The following ABCC6 variants were observed in gnomAD, a reference collection of about 807,000 sequenced individuals.
The protein encoded by ABCC6 is ATP-binding cassette sub-family C member 6.
Under a neutral mutation model 169.5 loss-of-function variants are expected in ABCC6, and 126 were observed. The observed-to-expected ratio is 0.74, with a 90% CI of 0.64 to 0.86. ABCC6 has a LOEUF of 0.86. Among genes scored for constraint, ABCC6 ranks in the 40% least tolerant of loss-of-function variants. The pLI, the probability that ABCC6 is intolerant of heterozygous loss-of-function variation, is 0.00. For missense variants in ABCC6, 1,733 were observed against 1,927.2 expected (o/e 0.90, Z 1.89); for synonymous variants, 752 against 814.7 (o/e 0.92, Z 1.31).
chr16:16,205,357 C>A (rs2048360950), intron 7 of ABCC6, among the ~76,000 whole-genome samples: 1 of 152,168 alleles, frequency 6.6e-6, no homozygotes, highest in South Asian at 2.1e-4. Flanking sequence ...GAGCCTAGAT[C>A]TTGATTTATG....
chr16:16,153,531 G>A (rs1322131092), intron 29 of ABCC6, among the ~76,000 whole-genome samples: 1 of 152,096 alleles, frequency 6.6e-6, no homozygotes, highest in African/African-American at 2.4e-5. Context: ...GGCGCTGGGG[G>A]AGGGGACAAG....
intron 10 of ABCC6, among the ~76,000 whole-genome samples, chr16:16,195,932 A>T (rs2048022724): frequency 6.6e-6 from 1 of 152,154 alleles, no homozygotes; most frequent in Non-Finnish European, 1.5e-5. Flanking sequence ...TTACAAGGCC[A>T]GGCACAGTGG....
intron 20 of ABCC6, among the ~76,000 whole-genome samples, chr16:16,175,088 C>T (rs2047234218): frequency 6.6e-6 from 1 of 151,918 alleles, no homozygotes; most frequent in South Asian, 2.1e-4. Flanking sequence ...CTTAATGTGT[C>T]TACTGGTTTT....
chr16:16,204,053 T>G (rs1326337827), intron 7 of ABCC6, among the ~76,000 whole-genome samples: 1 of 152,030 alleles, frequency 6.6e-6, no homozygotes, highest in East Asian at 1.9e-4. Context: ...CTTTTCTTTT[T>G]TCTTTTCCTT....
intron 11 of ABCC6, among the ~76,000 whole-genome samples, chr16:16,191,252 A>T (rs1475155050): frequency 6.6e-6 from 1 of 152,070 alleles, no homozygotes; most frequent in Non-Finnish European, 1.5e-5. Flanking sequence ...AGTAGCTGGG[A>T]TTACAGGCGC....
chr16:16,181,399 C>A (rs192822527), intron 17 of ABCC6, among the ~76,000 whole-genome samples: 1 of 148,642 alleles, frequency 6.7e-6, no homozygotes, highest in Admixed American at 6.7e-5. Context: ...GTAGGGTGCA[C>A]TAACAATAGT....
intron 27 of ABCC6, 80 bp downstream of exon 27, chr16:16,157,583 G>T (rs2046590086): frequency 3.2e-6 from 5 of 1,584,264 alleles, no homozygotes; most frequent in Admixed American, 3.5e-5. Context: ...GAGGTGGCTG[G>T]TGCCCAGGGT....
chr16:16,162,857 G>A, intron 24 of ABCC6, 136 bp downstream of exon 24: 2 of 1,147,048 alleles, frequency 1.7e-6, no homozygotes, highest in East Asian at 2.3e-5. Flanking sequence ...AGAACTGATA[G>A]ACTGCCTGTG....
rs370448700 is a variant in ABCC6 at position 16,152,779 on chromosome 16, G to A, written c.4208+1849C>T. On this transcript the variant is annotated intron_variant, in intron 29 of 30. Coordinates refer to ENST00000205557, the MANE Select transcript of ABCC6 (RefSeq NM_001171.6). Reference sequence around the variant, plus strand: ...TTTGAGCCCAGGCAGTCTGTCACCTGTGTATACTCTTACCCACCAAGCAAC... The same window carrying A: ...TTTGAGCCCAGGCAGTCTGTCACCTATGTATACTCTTACCCACCAAGCAAC... Among the ~76,000 whole-genome samples, 7 of 152,084 alleles carry A rather than the reference G, an allele frequency of 4.6e-5. No homozygotes were observed. In the East Asian group the frequency reaches 7.7e-4, roughly 17 times the overall value.
chr16:16,208,692 T>G (rs771298209), intron 7 of ABCC6, 36 bp downstream of exon 7: 168 of 1,613,216 alleles, frequency 1.0e-4, no homozygotes, highest in African/African-American at 2.1e-4. Context: ...TTTTCTGAAG[T>G]AGCATCAGGT....
intron 16 of ABCC6, 40 bp from the exon 17 acceptor site, chr16:16,182,628 G>T: frequency 6.2e-7 from 1 of 1,606,120 alleles, no homozygotes; most frequent in Non-Finnish European, 8.5e-7. Flanking sequence ...GGATGATGGG[G>T]ACAGAGGTGG....
In ABCC6 at chr16:16,198,166, C is replaced by A. The variant is rs769882654; in HGVS notation, c.1193G>T (p.Ser398Ile). ...CACCGCACTGGCCTTTCTGGAGCCG[C>A]TGGACAGAGCCAGGACCTGGCGGGT... ...LVYRKVLALSSGSRKASAVGD... is the reference protein window; with the variant it reads ...LVYRKVLALSIGSRKASAVGD... The change falls in exon 10 of 31, where the codon AGC becomes ATC. Residue 398 changes from serine to isoleucine, a missense_variant. Ser to Ile is a moderately radical substitution (Grantham distance 142). Transcript: ENST00000205557. 1.6e-5 allele frequency: 25 copies of A among 1,603,720 alleles called. No individual in the cohort carries two copies. In the African/African-American group the frequency reaches 3.1e-4, roughly 20 times the overall value.
chr16:16,167,794 A>G (rs905807010), intron 22 of ABCC6, among the ~76,000 whole-genome samples: 1 of 152,134 alleles, frequency 6.6e-6, no homozygotes, highest in Non-Finnish European at 1.5e-5. Context: ...TATTCTTTGT[A>G]TTCGAGAGTC....
intron 26 of ABCC6, among the ~76,000 whole-genome samples, chr16:16,158,941 A>G (rs534904696): frequency 2.6e-5 from 4 of 151,908 alleles, no homozygotes; most frequent in Middle Eastern, 3.4e-3. Flanking sequence ...TTTTGTTTCT[A>G]TCATGTTACT....
rs6498608 is a variant in ABCC6, at chr16:16,170,007, A to G, written c.2788-154T>C. ...GTTCTCCCGCTGTGCCTCCCACCAG[A>G]AGCACCATTTCCCCGACAGGCCCCA... is the stretch of plus-strand genomic sequence containing the variant. On this transcript the variant is annotated intron_variant, in intron 21 of 30. Transcript: ENST00000205557. 0.98 allele frequency among the ~76,000 whole-genome samples: 148,766 copies of G among 152,260 alleles called. 72,771 individuals are homozygous for G. Among genetic ancestry groups the G allele is most frequent in the Middle Eastern group, 1 (294 of 294 alleles).
At chr16:16,168,492 T>C (rs1188385050) in intron 22 of ABCC6, among the ~76,000 whole-genome samples, 2 of 151,644 alleles carry the variant, frequency 1.3e-5, no homozygotes, top group African/African-American at 4.8e-5. Flanking sequence ...TCTATATATA[T>C]GTGTGTGTGT....
In ABCC6 at chr16:16,165,949, A is replaced by T. The variant is rs763053937; in HGVS notation, c.2996-16T>A. ...AGCCCAATGGCTGGGGAGGGAGAGGAGGTAAGAGCATGAGGGCTGGAGACC... is the reference window on the plus strand; with the variant it reads ...AGCCCAATGGCTGGGGAGGGAGAGGTGGTAAGAGCATGAGGGCTGGAGACC... On this transcript the variant is annotated splice_polypyrimidine_tract_variant and intron_variant, in intron 22 of 30. Coordinates refer to ENST00000205557, the MANE Select transcript of ABCC6 (RefSeq NM_001171.6). 1.2e-4 allele frequency: 188 copies of T among 1,611,628 alleles called. 4 individuals carry two copies. In the South Asian group the frequency reaches 1.6e-3, roughly 14 times the overall value.
chr16:16,190,314 G>A lies in ABCC6; in HGVS notation c.1485C>T (p.Leu495=), dbSNP rs1204952348. ...DSRARLTSSI[L]RNSKTIKFHG... ...GGAACTTGATGGTCTTCGAGTTCCT[G>A]AGGATAGAGCTGGTGAGCCGTGCCC... is the stretch of plus-strand genomic sequence containing the variant. The change falls in exon 12 of 31, where the codon CTC becomes CTT. Residue 495 remains leucine, a synonymous_variant. Coordinates refer to ENST00000205557, the MANE Select transcript of ABCC6 (RefSeq NM_001171.6). 2 of 1,614,180 alleles carry A rather than the reference G, an allele frequency of 1.2e-6. No individual in the cohort carries two copies. The highest frequency in any genetic ancestry group is 2.2e-5 in the East Asian group (1 of 44,878).
Position 16,150,264 on chromosome 16 carries a change from G to C in ABCC6, c.4404-23C>G, listed in dbSNP as rs61178084. 23 of 1,613,602 alleles carry C rather than the reference G, an allele frequency of 1.4e-5. No homozygotes were observed. The Admixed American group carries it at 3.2e-4, about 22-fold the overall frequency. On this transcript the variant is annotated intron_variant, in intron 30 of 30. Transcript: ENST00000205557. ...ACCCTGTGGGGGAGAGGGAGACAGA[G>C]AGGCTCTTTGGACACCAGCCCAGGC...
Sources: allele counts gnomAD v4.1 joint callset (sites outside exome capture counted in the v4.1 genomes callset), GRCh38; gene constraint gnomAD v4.1.1; transcripts MANE v1.5; gene names NCBI Gene and HGNC (gene_info 2026-07-23, HGNC 2026-07-21).